Variants in UXS1 observed in about 807,000 individuals in gnomAD.
UXS1 encodes UDP-glucuronate decarboxylase 1, also known as UDP-glucuronic acid decarboxylase 1.
UXS1 carries 33 observed loss-of-function variants against 62.6 expected under a neutral mutation model. The ratio of observed to expected loss-of-function variants is 0.53; its 90% confidence interval spans 0.40 to 0.70. The LOEUF is 0.70. Ranked by LOEUF, UXS1 falls within the 30% of genes least tolerant of loss-of-function variation. The pLI is 0.00. For missense variants in UXS1, 434 were observed against 556.3 expected, an observed-to-expected ratio of 0.78 and a Z score of 2.21; for synonymous variants, 213 against 206.8, an observed-to-expected ratio of 1.03 and a Z score of -0.26.
intron 1 of UXS1, among the ~76,000 whole-genome samples, chr2:106,181,152 T>C (rs563186102): frequency 1.3e-5 from 2 of 151,882 alleles, no homozygotes; most frequent in South Asian, 4.2e-4. Context: ...GTCACTGGAG[T>C]TTCATCCCTC....
intron 11 of UXS1, chr2:106,102,111 C>T (rs1280304701): frequency 1.3e-5 from 2 of 152,148 alleles, no homozygotes; most frequent in Non-Finnish European, 2.9e-5. Context: ...TTTTCCTTTA[C>T]GACAAATGCG....
chr2:106,105,202 C>T (rs765547189), intron 10 of UXS1, among the ~76,000 whole-genome samples: 1 of 152,008 alleles, frequency 6.6e-6, no homozygotes, highest in African/African-American at 2.4e-5. Flanking sequence ...AACATTAATA[C>T]ATGCATTTAA....
At chr2:106,098,911 C>T (rs542195513) in intron 12 of UXS1, 138 bp from the exon 13 acceptor site, 45 of 719,368 alleles carry the variant, frequency 6.3e-5, no homozygotes, top group South Asian at 4.8e-4. Flanking sequence ...CTCCGTGTGC[C>T]AGAGGGTACT....
chr2:106,156,769 A>T (rs965928856), intron 5 of UXS1, among the ~76,000 whole-genome samples: 1 of 152,200 alleles, frequency 6.6e-6, no homozygotes, highest in Non-Finnish European at 1.5e-5. Flanking sequence ...AAGTCTGCAC[A>T]TGTTCAGTAC....
chr2:106,163,657 G>C lies in UXS1; in HGVS notation c.230+10C>G, dbSNP rs1573545367. 2.1e-6 allele frequency: 3 copies of C among 1,462,560 alleles called. No homozygotes were observed. Among genetic ancestry groups the C allele is most frequent in the Non-Finnish European group, 2.7e-6 (3 of 1,099,718 alleles). The allele number at this position is 1,462,560 out of a possible 1,614,324, so 90.6% of individuals were successfully genotyped here. The stretch of plus-strand genomic sequence containing the variant: ...TTAACTATTGACTTTAAGACAAAAA[G>C]TACACATACCTTTTTTCTAAATCTC... On this transcript the variant is annotated intron_variant, in intron 4 of 14. Transcript: ENST00000283148.
intron 9 of UXS1, among the ~76,000 whole-genome samples, chr2:106,113,412 C>T (rs955992060): frequency 2.0e-5 from 3 of 152,124 alleles, no homozygotes; most frequent in Non-Finnish European, 2.9e-5. Flanking sequence ...AATAGTCATC[C>T]CTCCTGTTCA....
chr2:106,157,393 AC>A (rs1367059095), intron 5 of UXS1, among the ~76,000 whole-genome samples: 1 of 152,204 alleles, frequency 6.6e-6, no homozygotes, highest in East Asian at 1.9e-4. Context: ...AGCCAAGGAT[AC>A]CCCTGGGTAT....
intron 4 of UXS1, among the ~76,000 whole-genome samples, chr2:106,161,397 C>T (rs1022265375): frequency 2.6e-5 from 4 of 152,142 alleles, no homozygotes; most frequent in African/African-American, 9.7e-5. Context: ...GCCTGGCCCA[C>T]AAGGCTTCTT....
chr2:106,194,087 G>T (rs1332435276), intron 1 of UXS1, 61 bp downstream of exon 1: 4 of 1,330,908 alleles, frequency 3.0e-6, no homozygotes, highest in Non-Finnish European at 2.9e-6. Context: ...ACCGCCGCCC[G>T]GCCCACCGCG....
intron 9 of UXS1, among the ~76,000 whole-genome samples, chr2:106,117,732 C>T (rs557928331): frequency 1.3e-5 from 2 of 152,340 alleles, no homozygotes; most frequent in South Asian, 4.1e-4. Flanking sequence ...AGTATATGCA[C>T]ATCCCTAAAG....
At chr2:106,127,993 C>T (rs1680106048) in intron 7 of UXS1, among the ~76,000 whole-genome samples, 1 of 152,148 alleles carries the variant, frequency 6.6e-6, no homozygotes, top group South Asian at 2.1e-4. Context: ...CATAGGGCAC[C>T]AAGTGCAGAA....
intron 1 of UXS1, among the ~76,000 whole-genome samples, chr2:106,181,642 A>G (rs1220926851): frequency 6.6e-6 from 1 of 152,172 alleles, no homozygotes; most frequent in Non-Finnish European, 1.5e-5. Flanking sequence ...ACTTGAGCTT[A>G]GGAGGGCAGG....
Position 106,129,764 on chromosome 2 carries a change from G to T in UXS1, c.487C>A (p.His163Asn). Residue 163 changes from histidine (H) to asparagine (N), a missense_variant, in exon 7 of 15, where the codon CAT becomes AAT. By Grantham distance (68) the His-to-Asn change is moderately conservative. Coordinates refer to ENST00000283148, the MANE Select transcript of UXS1 (RefSeq NM_001253875.2). ...GGAGGGGAGGCTGGAGATGCCAGATGGTATATCTGGTCAACTAAAGGAGAC... is the reference window on the plus strand; with the variant it reads ...GGAGGGGAGGCTGGAGATGCCAGATTGTATATCTGGTCAACTAAAGGAGAC... The part of the protein sequence containing the change: ...PLYIEVDQIY[H>N]LASPASPPNY... 1 of 1,606,228 alleles carries T rather than the reference G, an allele frequency of 6.2e-7. No individual in the cohort carries two copies. Among genetic ancestry groups the T allele is most frequent in the South Asian group, 1.1e-5 (1 of 89,514 alleles).
chr2:106,173,738 C>A (rs559251647), intron 1 of UXS1, among the ~76,000 whole-genome samples: 12 of 152,216 alleles, frequency 7.9e-5, no homozygotes, highest in Non-Finnish European at 1.8e-4. Flanking sequence ...CAGAAATGTG[C>A]ATTTTATACA....
At chr2:106,097,647 G>C (rs1677229755) in intron 13 of UXS1, 2 of 213,902 alleles carry the variant, frequency 9.4e-6, no homozygotes, top group Non-Finnish European at 1.9e-5. Context: ...TCCTGATCTG[G>C]GGGCCTGGGC....
At chr2:106,153,337 G>T (rs980504172) in intron 5 of UXS1, among the ~76,000 whole-genome samples, 1 of 152,176 alleles carries the variant, frequency 6.6e-6, no homozygotes, top group Non-Finnish European at 1.5e-5. Context: ...CTAACAGCTG[G>T]GTGAGATACT....
chr2:106,193,928 G>T (rs1306188434), intron 1 of UXS1, among the ~76,000 whole-genome samples: 3 of 151,826 alleles, frequency 2.0e-5, no homozygotes, highest in African/African-American at 7.3e-5. Context: ...TCCGCCCGGG[G>T]TCCGCGCCCG....
chr2:106,188,068 G>C (rs1339681545), intron 1 of UXS1, among the ~76,000 whole-genome samples: 1 of 152,214 alleles, frequency 6.6e-6, no homozygotes, highest in Non-Finnish European at 1.5e-5. Flanking sequence ...AAGGCTAAAG[G>C]TGAAAAGATA....
In UXS1 at chr2:106,158,121, G is replaced by A. The variant is rs1474940297; in HGVS notation, c.231-3C>T. The A allele has an allele frequency of 6.4e-7, 1 of 1,558,458 alleles. No individual in the cohort carries two copies. The highest frequency in any genetic ancestry group is 1.4e-5 in the African/African-American group (1 of 73,586). ...CTGGTGGGTATTTCTGGGTAAAGCT[G>A]TATAATATAAAGAGATTCAAAAGGA... On this transcript the variant is annotated splice_polypyrimidine_tract_variant and splice_region_variant and intron_variant, in intron 4 of 14. Coordinates refer to ENST00000283148, the MANE Select transcript of UXS1 (RefSeq NM_001253875.2).
Sources: gnomAD v4.1 joint callset for allele counts (sites outside exome capture counted in the v4.1 genomes callset) on GRCh38, gnomAD v4.1.1 for gene constraint, MANE v1.5 for transcripts, NCBI Gene and HGNC (gene_info 2026-07-23, HGNC 2026-07-21) for gene names.